PIWIL2: variants seen among roughly 807,000 people sequenced by gnomAD.
PIWIL2 encodes the protein piwi-like protein 2.
A neutral mutation model predicts 116.5 loss-of-function variants in PIWIL2; 81 were observed. That is an observed-to-expected ratio of 0.70 (90% CI 0.58 to 0.84). The LOEUF is 0.84. PIWIL2 is among the 40% of genes least tolerant of loss of function. The probability of loss-of-function intolerance (pLI) is 0.00; values close to 1 mark genes in which losing one functional copy is unlikely to be tolerated. For missense variants in PIWIL2, 1,272 were observed against 1,212.3 expected, an observed-to-expected ratio of 1.05 and a Z score of -0.73; for synonymous variants, 489 against 429.5, an observed-to-expected ratio of 1.14 and a Z score of -1.71.
At chr8:22,286,497 CAG>C (rs1830631790) in intron 6 of PIWIL2, among the ~76,000 whole-genome samples, 1 of 152,136 alleles carries the variant, frequency 6.6e-6, no homozygotes, top group African/African-American at 2.4e-5. Flanking sequence ...GAGCATTAAA[CAG>C]AGGGGAGAGG....
Position 22,281,374 on chromosome 8 carries a change from C to G in PIWIL2, c.287-3C>G. On this transcript the variant is annotated splice_polypyrimidine_tract_variant and splice_region_variant and intron_variant, in intron 3 of 22. Transcript: ENST00000356766. ...ATTGCTGGGGTTCGGTTCTTTCTTT[C>G]AGGTAGAGGCATTTTAGGTCGAGGC... The G allele has an allele frequency of 6.2e-7, 1 of 1,607,260 alleles. No homozygotes were observed. The highest frequency in any genetic ancestry group is 1.1e-5 in the South Asian group (1 of 89,438).
chr8:22,282,410 A>G (rs1830531102), intron 4 of PIWIL2, among the ~76,000 whole-genome samples: 2 of 151,152 alleles, frequency 1.3e-5, no homozygotes, highest in Non-Finnish European at 3.0e-5. Context: ...TTGGTCTCAA[A>G]CTCCTGACAT....
chr8:22,289,338 A>C (rs1038331779), intron 8 of PIWIL2, among the ~76,000 whole-genome samples: 2 of 152,042 alleles, frequency 1.3e-5, no homozygotes, highest in African/African-American at 2.4e-5. Context: ...TTTTTAATAG[A>C]GATGATGTTT....
Position 22,353,152 on chromosome 8 carries a change from A to G in PIWIL2, c.2597A>G (p.Gln866Arg). 1 of 1,614,086 alleles carries G rather than the reference A, an allele frequency of 6.2e-7. No homozygotes were observed. Among genetic ancestry groups the G allele is most frequent in the Non-Finnish European group, 8.5e-7 (1 of 1,179,912 alleles). Residue 866 changes from glutamine to arginine, a missense_variant, in exon 21 of 23, where the codon CAG becomes CGG. By Grantham distance (43) the Gln-to-Arg change is conservative. Transcript: ENST00000356766. ...ISTNLYLAAPQNFVTPTPGTV... is the reference protein window; with the variant it reads ...ISTNLYLAAPRNFVTPTPGTV... ...ACTAATCTATATCTGGCTGCTCCTCAGAACTTTGTAACTCCCACTCCTGGA... is the reference window on the plus strand; with the variant it reads ...ACTAATCTATATCTGGCTGCTCCTCGGAACTTTGTAACTCCCACTCCTGGA...
chr8:22,329,370 T>A (rs1831805746), intron 20 of PIWIL2, among the ~76,000 whole-genome samples: 1 of 152,186 alleles, frequency 6.6e-6, no homozygotes, highest in Admixed American at 6.5e-5. Context: ...AGCATAATGC[T>A]GGCATCCACT....
chr8:22,330,822 A>G (rs1216876786), intron 20 of PIWIL2, among the ~76,000 whole-genome samples: 11 of 152,202 alleles, frequency 7.2e-5, no homozygotes, highest in East Asian at 1.9e-4. Context: ...TTTTTTCCCC[A>G]TGCATACGTG....
chr8:22,295,925 C>G (rs1192980727), intron 10 of PIWIL2, among the ~76,000 whole-genome samples: 1 of 151,268 alleles, frequency 6.6e-6, no homozygotes, highest in Non-Finnish European at 1.5e-5. Context: ...TCAATACCAT[C>G]TTAGAAATGT....
At chr8:22,306,972 C>T (rs1279616326) in intron 13 of PIWIL2, among the ~76,000 whole-genome samples, 1 of 152,158 alleles carries the variant, frequency 6.6e-6, no homozygotes, top group East Asian at 1.9e-4. Flanking sequence ...TTCCTGCATA[C>T]CTGTTAGATT....
chr8:22,325,126 ATG>A (rs1831692633), intron 20 of PIWIL2, among the ~76,000 whole-genome samples: 1 of 152,244 alleles, frequency 6.6e-6, no homozygotes, highest in African/African-American at 2.4e-5. Context: ...TGTTGAGGTC[ATG>A]TGGGAAAGAA....
chr8:22,290,353 G>A lies in PIWIL2; in HGVS notation c.1181+7G>A. ...ACTGTGTGCTGGATGTCATGTGAGT[G>A]AATGGTGGGGTCTATCTTTAACATG... On this transcript the variant is annotated splice_region_variant and intron_variant, in intron 10 of 22. Coordinates refer to ENST00000356766, the MANE Select transcript of PIWIL2 (RefSeq NM_018068.5). 6.7e-7 allele frequency: 1 copy of A among 1,495,386 alleles called. No homozygotes were observed. Among genetic ancestry groups the A allele is most frequent in the Non-Finnish European group, 9.3e-7 (1 of 1,073,248 alleles). 92.6% of individuals were successfully genotyped at this position (1,495,386 alleles called of 1,614,324 possible).
Position 22,351,226 on chromosome 8 carries a change from G to A in PIWIL2, c.2404-1733G>A, listed in dbSNP as rs1832346000. Among the ~76,000 whole-genome samples, 5 of 151,298 alleles carry A rather than the reference G, an allele frequency of 3.3e-5. No homozygotes were observed. The South Asian group carries it at 1.0e-3, about 32-fold the overall frequency. On this transcript the variant is annotated intron_variant, in intron 20 of 22. Transcript: ENST00000356766. ...TCCAGCTACTTGACAGGCTGAGGCA[G>A]GAGGATCTCTTGAGCTTGGGAGTTT...
intron 20 of PIWIL2, among the ~76,000 whole-genome samples, chr8:22,322,932 G>A (rs1267607854): frequency 1.3e-5 from 2 of 152,010 alleles, no homozygotes; most frequent in African/African-American, 4.8e-5. Context: ...TGTTGTTGTT[G>A]TTTGAGGCAG....
chr8:22,286,976 T>C (rs1413061718), intron 6 of PIWIL2, among the ~76,000 whole-genome samples: 1 of 151,770 alleles, frequency 6.6e-6, no homozygotes, highest in Non-Finnish European at 1.5e-5. Context: ...TCCCAGTTAC[T>C]TGGGGGACTG....
Position 22,314,406 on chromosome 8 carries a change from G to A in PIWIL2, c.2068G>A (p.Val690Met), listed in dbSNP as rs756750950. Residue 690 changes from valine (V) to methionine (M), a missense_variant, in exon 17 of 23, where the codon GTG (valine) becomes ATG (methionine). Physicochemically the swap from Val to Met is conservative, Grantham distance 21 (BLOSUM62 1). Coordinates refer to ENST00000356766, the MANE Select transcript of PIWIL2 (RefSeq NM_018068.5). ...TGGGGCCATCAAGAAGCTGTGCTGTGTGCAGTCCCCAGTGCCCTCCCAGGT... is the reference window on the plus strand; with the variant it reads ...TGGGGCCATCAAGAAGCTGTGCTGTATGCAGTCCCCAGTGCCCTCCCAGGT... ...LYGAIKKLCCVQSPVPSQVVN... is the reference protein window; with the variant it reads ...LYGAIKKLCCMQSPVPSQVVN... 7.6e-6 allele frequency: 12 copies of A among 1,582,792 alleles called. No individual in the cohort carries two copies. In the Admixed American group the frequency reaches 1.4e-4, roughly 19 times the overall value.
intron 20 of PIWIL2, among the ~76,000 whole-genome samples, chr8:22,351,482 T>TATATATATATATAA (rs1401638608): frequency 2.6e-5 from 3 of 115,690 alleles, no homozygotes; most frequent in African/African-American, 9.3e-5. Flanking sequence ...TATATATATA[T>TATATATATATATAA]AATTTATATC....
chr8:22,285,602 T>C (rs894402019), intron 6 of PIWIL2, among the ~76,000 whole-genome samples: 1 of 152,134 alleles, frequency 6.6e-6, no homozygotes, highest in African/African-American at 2.4e-5. Flanking sequence ...TGGATCATAT[T>C]AGTACTATTT....
At position 22,357,089 on chromosome 8, in the gene PIWIL2, C is replaced by G. The variant is rs940729612; in HGVS notation, c.*1584C>G. The G allele has an allele frequency of 6.6e-6, 1 of 152,054 alleles. No individual in the cohort carries two copies. Among genetic ancestry groups the G allele is most frequent in the East Asian group, 1.9e-4 (1 of 5,196 alleles). 9.4% of individuals were successfully genotyped at this position (152,054 alleles called of 1,614,324 possible). A position where few individuals can be genotyped will look rare whatever the true frequency, so the allele number is the denominator to read the frequency against. On this transcript the variant is annotated 3_prime_UTR_variant, in exon 23 of 23. Coordinates refer to ENST00000356766, the MANE Select transcript of PIWIL2 (RefSeq NM_018068.5). ...AGCTTAAAACTCCGTAAAATGTGCT[C>G]ACTTCAGCAGCACATATACTAAAAT... is the stretch of plus-strand genomic sequence containing the variant.
At chr8:22,296,020 C>CTTTTTTTTTTTTTTTTTTTTTTTT (rs67357452) in intron 10 of PIWIL2, among the ~76,000 whole-genome samples, 2 of 102,846 alleles carry the variant, frequency 1.9e-5, no homozygotes, top group Non-Finnish European at 4.1e-5. Context: ...CTCTTCCCTT[C>CTTTTTTTTTTTTTTTTTTTTTTTT]TTTTTTTTTT....
chr8:22,316,904 T>A (rs1831473440), intron 19 of PIWIL2, among the ~76,000 whole-genome samples: 1 of 151,718 alleles, frequency 6.6e-6, no homozygotes, highest in Non-Finnish European at 1.5e-5. Context: ...TCCTCCCACC[T>A]CAGCCTCCCG....
Sources: gnomAD v4.1 joint callset for allele counts (sites outside exome capture counted in the v4.1 genomes callset) on GRCh38, gnomAD v4.1.1 for gene constraint, MANE v1.5 for transcripts, NCBI Gene and HGNC (gene_info 2026-07-23, HGNC 2026-07-21) for gene names.